Variants in NRG3 observed in about 807,000 individuals in gnomAD.
The protein encoded by NRG3 is neuregulin 3.
A neutral mutation model predicts 66.9 loss-of-function variants in NRG3; 31 were observed. That is an observed-to-expected ratio of 0.46 (90% confidence interval 0.35 to 0.63). NRG3 has a LOEUF of 0.63. Ranked by LOEUF, NRG3 falls within the 20% of genes least tolerant of loss-of-function variation. The pLI, the probability that NRG3 is intolerant of heterozygous loss-of-function variation, is 0.00. For synonymous variants in NRG3, 393 were observed against 359.4 expected (o/e 1.09, Z -1.06); for missense variants, 910 against 878.9 (o/e 1.04, Z -0.45).
intron 1 of NRG3, among the ~76,000 whole-genome samples, chr10:81,937,401 G>A (rs994379334): frequency 6.6e-6 from 1 of 151,922 alleles, no homozygotes; most frequent in African/African-American, 2.4e-5. Flanking sequence ...GTGCACAAGG[G>A]TTCCAATTTC....
At chr10:82,724,357 C>T (rs1368365606) in intron 2 of NRG3, among the ~76,000 whole-genome samples, 1 of 152,060 alleles carries the variant, frequency 6.6e-6, no homozygotes, top group East Asian at 1.9e-4. Context: ...AAGATTATAT[C>T]CATTTATCCT....
At chr10:82,323,041 G>A (rs1314639731) in intron 1 of NRG3, among the ~76,000 whole-genome samples, 1 of 152,114 alleles carries the variant, frequency 6.6e-6, no homozygotes. Flanking sequence ...AAGGAGAAAA[G>A]GTACCATTTC....
intron 7 of NRG3, among the ~76,000 whole-genome samples, chr10:82,974,434 G>A (rs1453595609): frequency 6.6e-6 from 1 of 152,136 alleles, no homozygotes; most frequent in Non-Finnish European, 1.5e-5. Context: ...TGGAGAAAAA[G>A]CCAAAAACAT....
chr10:82,757,291 A>T (rs1318499103), intron 3 of NRG3, among the ~76,000 whole-genome samples: 3 of 152,074 alleles, frequency 2.0e-5, no homozygotes, highest in African/African-American at 4.8e-5. Context: ...AAGTAGTGAG[A>T]CACTTTACCA....
intron 2 of NRG3, among the ~76,000 whole-genome samples, chr10:82,493,150 A>G (rs11194693): frequency 0.53 from 80,544 of 151,640 alleles, 25,011 homozygotes; most frequent in South Asian, 0.75. Context: ...GTTCTGAGGT[A>G]CATGTCTAGG....
At chr10:82,002,895 G>C (rs535292990) in intron 1 of NRG3, among the ~76,000 whole-genome samples, 1 of 152,256 alleles carries the variant, frequency 6.6e-6, no homozygotes, top group Non-Finnish European at 1.5e-5. Flanking sequence ...CAGGCATTAT[G>C]AATGTATGTA....
chr10:82,986,562 T>A lies in NRG3; in HGVS notation c.*957T>A, dbSNP rs1853446579. On this transcript the variant is annotated 3_prime_UTR_variant, in exon 9 of 9. Coordinates refer to ENST00000372141, the MANE Select transcript of NRG3 (RefSeq NM_001010848.4). ...CCCTCTTAGATCTTTTCACTTTAAA[T>A]TTTTCCATTAAGTATAAAGTTCAGT... 1 of 152,206 alleles carries A rather than the reference T, an allele frequency of 6.6e-6. No individual in the cohort carries two copies. Among genetic ancestry groups the A allele is most frequent in the East Asian group, 1.9e-4 (1 of 5,178 alleles). The allele number at this position is 152,206 out of a possible 1,614,324, so 9.4% of individuals were successfully genotyped here.
chr10:82,358,917 TG>T (rs2083950158), intron 2 of NRG3, 49 bp downstream of exon 2: 1 of 1,612,228 alleles, frequency 6.2e-7, no homozygotes, highest in Non-Finnish European at 8.5e-7. Context: ...TTGCAAGGCG[TG>T]GGGGTGGAGG....
At chr10:82,551,776 G>T (rs2044323839) in intron 2 of NRG3, among the ~76,000 whole-genome samples, 1 of 151,874 alleles carries the variant, frequency 6.6e-6, no homozygotes, top group Non-Finnish European at 1.5e-5. Context: ...CTACCTCTCT[G>T]CCCTACAACC....
At chr10:82,144,389 G>T (rs1050647097) in intron 1 of NRG3, among the ~76,000 whole-genome samples, 4 of 152,108 alleles carry the variant, frequency 2.6e-5, no homozygotes. Flanking sequence ...TCTTGTGCTC[G>T]CACGTCCCAG....
intron 3 of NRG3, among the ~76,000 whole-genome samples, chr10:82,793,790 T>C (rs2060685399): frequency 6.6e-6 from 1 of 152,176 alleles, no homozygotes; most frequent in South Asian, 2.1e-4. Context: ...CTTCTAAAGC[T>C]TCTTCCACAA....
intron 1 of NRG3, among the ~76,000 whole-genome samples, chr10:82,098,090 A>G (rs1203313266): frequency 1.4e-5 from 2 of 147,998 alleles, no homozygotes; most frequent in African/African-American, 5.0e-5. Flanking sequence ...CACACACATC[A>G]TATATATGTC....
chr10:82,982,688 T>C (rs959444522), intron 8 of NRG3, among the ~76,000 whole-genome samples: 1 of 152,190 alleles, frequency 6.6e-6, no homozygotes, highest in Non-Finnish European at 1.5e-5. Flanking sequence ...ATTGTTTTAA[T>C]TGATGGCAAA....
chr10:82,568,954 G>A (rs1933944115), intron 2 of NRG3, among the ~76,000 whole-genome samples: 1 of 151,726 alleles, frequency 6.6e-6, no homozygotes, highest in Admixed American at 6.6e-5. Flanking sequence ...TGCTTTAACT[G>A]AATCTCTCCA....
chr10:82,881,580 C>A (rs144981596), intron 4 of NRG3, among the ~76,000 whole-genome samples: 275 of 152,248 alleles, frequency 1.8e-3, no homozygotes, highest in African/African-American at 6.4e-3. Flanking sequence ...GAGAAAAAGG[C>A]ATGCTATGGG....
chr10:82,672,856 C>T (rs1202963151), intron 2 of NRG3, among the ~76,000 whole-genome samples: 1 of 152,124 alleles, frequency 6.6e-6, no homozygotes, highest in African/African-American at 2.4e-5. Context: ...TTCAAGCAAT[C>T]CTCCTGCCTC....
chr10:82,702,803 A>C (rs1054438878), intron 2 of NRG3, among the ~76,000 whole-genome samples: 1 of 152,182 alleles, frequency 6.6e-6, no homozygotes, highest in Non-Finnish European at 1.5e-5. Flanking sequence ...GAATTTTCTG[A>C]GTAAATAATA....
Position 82,088,382 on chromosome 10 carries a change from T to C in NRG3, c.823+212219T>C, listed in dbSNP as rs150565597. Among the ~76,000 whole-genome samples, 15 of 152,226 alleles carry C rather than the reference T, an allele frequency of 9.9e-5. No homozygotes were observed. In the East Asian group the frequency reaches 1.4e-3, roughly 14 times the overall value. ...GTACAATTGTAGTTTATTCATATGT[T>C]CATAGTTGGACAAATTAATGTGTCT... is the stretch of plus-strand genomic sequence containing the variant. On this transcript the variant is annotated intron_variant, in intron 1 of 8. Transcript: ENST00000372141.
chr10:82,973,756 C>T (rs779965587), intron 6 of NRG3, 32 bp from the exon 7 acceptor site: 48 of 1,612,554 alleles, frequency 3.0e-5, no homozygotes, highest in South Asian at 4.4e-5. Flanking sequence ...ATGTATCCTT[C>T]GTCTCAACTC....
Sources: allele counts gnomAD v4.1 joint callset (sites outside exome capture counted in the v4.1 genomes callset), GRCh38; gene constraint gnomAD v4.1.1; transcripts MANE v1.5; gene names NCBI Gene and HGNC (gene_info 2026-07-23, HGNC 2026-07-21).